Variants in NDE1 observed in about 807,000 individuals in gnomAD.
NDE1 encodes the protein nudE neurodevelopment protein 1.
Under a neutral mutation model 43.4 loss-of-function variants are expected in NDE1, and 28 were observed. The ratio of observed to expected loss-of-function variants is 0.65; its 90% confidence interval spans 0.48 to 0.89. The LOEUF is 0.89. NDE1 is among the 40% of genes least tolerant of loss of function. The probability of loss-of-function intolerance (pLI) is 0.00; values close to 1 mark genes in which losing one functional copy is unlikely to be tolerated. For synonymous variants in NDE1, 184 were observed against 172.0 expected (o/e 1.07, Z -0.55); for missense variants, 441 against 434.1 (o/e 1.02, Z -0.14).
intron 1 of NDE1, among the ~76,000 whole-genome samples, chr16:15,652,539 T>G (rs911240841): frequency 6.6e-6 from 1 of 152,222 alleles, no homozygotes; most frequent in Non-Finnish European, 1.5e-5. Context: ...TAGTAGGTAT[T>G]CAAGAAATGT....
rs1394313453 is a variant in NDE1, at chr16:15,693,385, G to T, written c.704-780G>T. Among the ~76,000 whole-genome samples the T allele has an allele frequency of 2.0e-5, 3 of 152,202 alleles. No individual in the cohort carries two copies. In the East Asian group the frequency reaches 5.8e-4, roughly 29 times the overall value. On this transcript the variant is annotated intron_variant, in intron 6 of 8. Coordinates refer to ENST00000396354, the MANE Select transcript of NDE1 (RefSeq NM_017668.3). ...TGGAGAAGAGAGGCTCTGCAGAGCG[G>T]GACCCTTGTAAAGCTGGATCATCCT...
At chr16:15,707,556 A>G (rs1308759559) in intron 8 of NDE1, among the ~76,000 whole-genome samples, 1 of 152,200 alleles carries the variant, frequency 6.6e-6, no homozygotes, top group East Asian at 1.9e-4. Flanking sequence ...GGCTCTTAAC[A>G]AGACCTCACC....
At chr16:15,648,228 A>G (rs2036370624), upstream of NDE1, among the ~76,000 whole-genome samples, 2 of 152,096 alleles carry the variant, frequency 1.3e-5, no homozygotes, top group South Asian at 4.2e-4. Context: ...CTCCAATTAT[A>G]CTCCTTTAGT....
intron 1 of NDE1, among the ~76,000 whole-genome samples, chr16:15,652,803 A>G (rs1395754581): frequency 1.3e-5 from 2 of 152,030 alleles, no homozygotes. Flanking sequence ...AGCTGGGACT[A>G]AAAGCACATG....
intron 4 of NDE1, among the ~76,000 whole-genome samples, chr16:15,679,859 A>G (rs1157586014): frequency 2.0e-5 from 3 of 152,088 alleles, no homozygotes; most frequent in Non-Finnish European, 4.4e-5. Context: ...GCTCACTGCA[A>G]CTTCCACCTC....
chr16:15,720,111 C>T, intron 8 of NDE1: 1 of 1,613,794 alleles, frequency 6.2e-7, no homozygotes, highest in South Asian at 1.1e-5. Context: ...GGAACTGTGC[C>T]CTCCCTCCAC....
chr16:15,643,512 A>G (rs2036201673), exon 1 of NDE1: 1 of 374,898 alleles, frequency 2.7e-6, no homozygotes, highest in Admixed American at 4.8e-5. Context: ...CAGCTCTTTC[A>G]GGCTTTGGAG....
intron 4 of NDE1, among the ~76,000 whole-genome samples, chr16:15,684,936 C>T (rs762431837): frequency 6.6e-6 from 1 of 152,314 alleles, no homozygotes; most frequent in Non-Finnish European, 1.5e-5. Context: ...GTTCCCTGAT[C>T]TCTTTTACAG....
intron 4 of NDE1, among the ~76,000 whole-genome samples, chr16:15,678,518 C>T (rs1435694771): frequency 6.6e-6 from 1 of 152,104 alleles, no homozygotes; most frequent in Non-Finnish European, 1.5e-5. Flanking sequence ...GCACGTGCCA[C>T]CACACCATTC....
At chr16:15,719,903 C>T in intron 8 of NDE1, among the ~76,000 whole-genome samples, 1 of 152,158 alleles carries the variant, frequency 6.6e-6, no homozygotes, top group Non-Finnish European at 1.5e-5. Context: ...GGGTGGGCTC[C>T]ACAGACCTGC....
intron 1 of NDE1, among the ~76,000 whole-genome samples, chr16:15,659,026 G>GCT (rs1468045694): frequency 6.6e-6 from 1 of 152,206 alleles, no homozygotes; most frequent in Non-Finnish European, 1.5e-5. Flanking sequence ...AGAGGGATGA[G>GCT]TGGGTCGGGA....
intron 3 of NDE1, 120 bp from the exon 4 acceptor site, chr16:15,677,681 T>C: frequency 9.4e-7 from 1 of 1,059,440 alleles, no homozygotes; most frequent in East Asian, 2.5e-5. Flanking sequence ...ACTCCTGGGC[T>C]CAGGCAGTCC....
At chr16:15,645,739 C>T (rs374069265), upstream of NDE1, among the ~76,000 whole-genome samples, 29 of 152,154 alleles carry the variant, frequency 1.9e-4, 2 homozygotes, top group Admixed American at 1.0e-3. Context: ...CAGTTTTTCC[C>T]TTGTCCAAAT....
At chr16:15,724,001 C>G (rs1489093697) in intron 8 of NDE1, among the ~76,000 whole-genome samples, 190 bp from the exon 9 acceptor site, 2 of 152,166 alleles carry the variant, frequency 1.3e-5, no homozygotes, top group Admixed American at 1.3e-4. Flanking sequence ...AGCGTTAATG[C>G]TCCATGGTCG....
chr16:15,720,993 G>T (rs753685135), intron 8 of NDE1: 1 of 1,614,004 alleles, frequency 6.2e-7, no homozygotes, highest in Non-Finnish European at 8.5e-7. Context: ...TTCCAGCTGC[G>T]TCTTCATCTC....
intron 1 of NDE1, among the ~76,000 whole-genome samples, chr16:15,660,882 G>A (rs558275819): frequency 1.3e-5 from 2 of 151,990 alleles, no homozygotes; most frequent in East Asian, 1.9e-4. Context: ...TGCCTCCTTC[G>A]GTTACCATTT....
At chr16:15,715,701 C>G (rs775610304) in intron 8 of NDE1, among the ~76,000 whole-genome samples, 1 of 152,154 alleles carries the variant, frequency 6.6e-6, no homozygotes, top group Non-Finnish European at 1.5e-5. Context: ...AATGCCTGCT[C>G]TTCACCCTAG....
upstream of NDE1, among the ~76,000 whole-genome samples, chr16:15,648,918 G>C (rs1021623457): frequency 6.6e-6 from 1 of 152,192 alleles, no homozygotes; most frequent in South Asian, 2.1e-4. Context: ...TCTTCAGGCA[G>C]TGTGTGGTGG....
chr16:15,711,717 G>C (rs958805518), intron 8 of NDE1, among the ~76,000 whole-genome samples: 1 of 151,858 alleles, frequency 6.6e-6, no homozygotes, highest in South Asian at 2.1e-4. Context: ...TTTTGAGACC[G>C]AGTTTTGGTC....
Sources: gnomAD v4.1 joint callset for allele counts (sites outside exome capture counted in the v4.1 genomes callset) on GRCh38, gnomAD v4.1.1 for gene constraint, MANE v1.5 for transcripts, NCBI Gene and HGNC (gene_info 2026-07-23, HGNC 2026-07-21) for gene names.